OPCML: variants seen among roughly 807,000 people sequenced by gnomAD.
OPCML encodes opioid-binding protein/cell adhesion molecule.
A neutral mutation model predicts 37.8 loss-of-function variants in OPCML; 13 were observed. The ratio of observed to expected loss-of-function variants is 0.34; its 90% CI spans 0.22 to 0.55. The LOEUF is 0.55. Among genes scored for constraint, OPCML ranks in the 20% least tolerant of loss-of-function variants. The pLI, the probability that OPCML is intolerant of heterozygous loss-of-function variation, is 0.91. For missense variants in OPCML, 341 were observed against 435.6 expected, an observed-to-expected ratio of 0.78 and a Z score of 1.93; for synonymous variants, 176 against 168.8, an observed-to-expected ratio of 1.04 and a Z score of -0.33.
chr11:133,367,668 A>T (rs1944575939), intron 1 of OPCML, among the ~76,000 whole-genome samples: 2 of 152,236 alleles, frequency 1.3e-5, no homozygotes, highest in Non-Finnish European at 2.9e-5. Context: ...AGCTCAATTT[A>T]GTCACAAATC....
intron 1 of OPCML, among the ~76,000 whole-genome samples, chr11:133,143,075 AG>A (rs1189970819): frequency 6.6e-6 from 1 of 152,136 alleles, no homozygotes; most frequent in Non-Finnish European, 1.5e-5. Flanking sequence ...ACTCCATGTG[AG>A]GGGCCTTAGC....
At chr11:132,656,616 T>C (rs1026236233) in intron 3 of OPCML, among the ~76,000 whole-genome samples, 96 of 152,158 alleles carry the variant, frequency 6.3e-4, no homozygotes, top group African/African-American at 2.3e-3. Flanking sequence ...AGGGAGGACC[T>C]GCCTAAACAG....
chr11:133,517,272 T>C (rs1347892350), intron 1 of OPCML, among the ~76,000 whole-genome samples: 1 of 152,264 alleles, frequency 6.6e-6, no homozygotes, highest in African/African-American at 2.4e-5. Flanking sequence ...GTAGTGATTA[T>C]ATATTTCTAT....
chr11:133,471,390 G>T (rs1333611379), intron 1 of OPCML, among the ~76,000 whole-genome samples: 1 of 152,218 alleles, frequency 6.6e-6, no homozygotes, highest in African/African-American at 2.4e-5. Context: ...GCAAGATGCA[G>T]AGCTGAGTGT....
At chr11:132,807,914 C>G (rs1939108025) in intron 2 of OPCML, among the ~76,000 whole-genome samples, 1 of 151,082 alleles carries the variant, frequency 6.6e-6, no homozygotes, top group Non-Finnish European at 1.5e-5. Flanking sequence ...GTAAGGCCAT[C>G]AAAATTCTGA....
chr11:133,210,560 C>T (rs1191738907), intron 1 of OPCML, among the ~76,000 whole-genome samples: 1 of 152,144 alleles, frequency 6.6e-6, no homozygotes, highest in African/African-American at 2.4e-5. Flanking sequence ...GAGTGGAAAG[C>T]TATGGAAACT....
intron 2 of OPCML, among the ~76,000 whole-genome samples, chr11:132,850,031 A>C (rs1443631707): frequency 6.6e-6 from 1 of 152,160 alleles, no homozygotes; most frequent in Non-Finnish European, 1.5e-5. Flanking sequence ...CTTTAACCTG[A>C]GAGTAAGGAT....
intron 1 of OPCML, among the ~76,000 whole-genome samples, chr11:133,153,087 T>G (rs1298182260): frequency 1.3e-5 from 2 of 152,148 alleles, no homozygotes; most frequent in East Asian, 3.9e-4. Context: ...TGGGCGGCTC[T>G]GGAGGAGTTT....
chr11:132,580,312 A>G (rs1469306967), intron 3 of OPCML, among the ~76,000 whole-genome samples: 1 of 152,202 alleles, frequency 6.6e-6, no homozygotes, highest in East Asian at 1.9e-4. Context: ...TGTTTAAATG[A>G]TCTTTATAAA....
At chr11:133,400,914 A>G (rs896153649) in intron 1 of OPCML, among the ~76,000 whole-genome samples, 1 of 152,240 alleles carries the variant, frequency 6.6e-6, no homozygotes, top group African/African-American at 2.4e-5. Flanking sequence ...CAAAGAAAAA[A>G]TAAACCAGTG....
At chr11:132,988,714 T>G (rs773485553) in intron 1 of OPCML, among the ~76,000 whole-genome samples, 4 of 152,156 alleles carry the variant, frequency 2.6e-5, no homozygotes, top group Admixed American at 1.3e-4. Flanking sequence ...TGAGGTGAGG[T>G]CAGGAATAGT....
At chr11:132,964,421 C>T (rs1946168025) in intron 1 of OPCML, among the ~76,000 whole-genome samples, 1 of 152,092 alleles carries the variant, frequency 6.6e-6, no homozygotes, top group South Asian at 2.1e-4. Flanking sequence ...CTGATTCCAC[C>T]CCTGAGTAAC....
chr11:132,837,322 ACAAG>A (rs1207451519), intron 2 of OPCML, among the ~76,000 whole-genome samples: 3 of 150,896 alleles, frequency 2.0e-5, no homozygotes, highest in South Asian at 2.1e-4. Context: ...TCAAAAACAA[ACAAG>A]CAAACAAACA....
chr11:133,397,313 T>C (rs920099041), intron 1 of OPCML, among the ~76,000 whole-genome samples: 3 of 152,206 alleles, frequency 2.0e-5, no homozygotes, highest in Non-Finnish European at 2.9e-5. Flanking sequence ...CATTTATCCA[T>C]AATTTTTTAT....
intron 4 of OPCML, among the ~76,000 whole-genome samples, chr11:132,528,276 T>C (rs1591510349): frequency 1.3e-5 from 2 of 151,294 alleles, no homozygotes; most frequent in Non-Finnish European, 2.9e-5. Flanking sequence ...CCATATTCCA[T>C]ACATTTTTCC....
Position 132,784,236 on chromosome 11 carries a change from G to A in OPCML, c.147-126917C>T, listed in dbSNP as rs558325633. Among the ~76,000 whole-genome samples the A allele has an allele frequency of 3.3e-5, 5 of 152,244 alleles. No individual in the cohort carries two copies. The South Asian group carries it at 1.0e-3, about 32-fold the overall frequency. ...ACAACACTAAACCTTGTAACAATTT[G>A]CCTTAACTAACCAAGGCTTGATTAA... On this transcript the variant is annotated intron_variant, in intron 2 of 7. Coordinates refer to ENST00000524381, the MANE Select transcript of OPCML (RefSeq NM_001012393.5).
intron 2 of OPCML, among the ~76,000 whole-genome samples, chr11:132,898,723 T>C (rs1943940320): frequency 6.6e-6 from 1 of 152,174 alleles, no homozygotes. Context: ...GCAAAGGTTT[T>C]GCTTCCTTTT....
chr11:133,239,553 G>A (rs528113780), intron 1 of OPCML, among the ~76,000 whole-genome samples: 35 of 152,356 alleles, frequency 2.3e-4, no homozygotes, highest in African/African-American at 8.4e-4. Context: ...GAATGTCACA[G>A]CACAGGCCAA....
chr11:132,952,548 G>T (rs1334200304), intron 1 of OPCML, among the ~76,000 whole-genome samples: 2 of 152,144 alleles, frequency 1.3e-5, no homozygotes, highest in African/African-American at 4.8e-5. Flanking sequence ...GCAGAATTCA[G>T]GACCCTTAAA....
Sources: gnomAD v4.1 joint callset for allele counts (sites outside exome capture counted in the v4.1 genomes callset) on GRCh38, gnomAD v4.1.1 for gene constraint, MANE v1.5 for transcripts, NCBI Gene and HGNC (gene_info 2026-07-23, HGNC 2026-07-21) for gene names.